Variants in FOXP2 observed in about 807,000 individuals in gnomAD.
FOXP2 encodes forkhead box P2, also known as forkhead box protein P2.
A neutral mutation model predicts 115.8 loss-of-function variants in FOXP2; 12 were observed. That is an observed-to-expected ratio of 0.10 (90% CI 0.07 to 0.17). FOXP2 has a LOEUF of 0.17. Among genes scored for constraint, FOXP2 ranks in the 10% least tolerant of loss-of-function variants. The pLI is 1.00. For synonymous variants in FOXP2, 328 were observed against 297.7 expected (o/e 1.10, Z -1.05); for missense variants, 629 against 843.5 (o/e 0.75, Z 3.15).
At chr7:114,275,675 A>G (rs1796169103) in intron 1 of FOXP2, among the ~76,000 whole-genome samples, 1 of 152,188 alleles carries the variant, frequency 6.6e-6, no homozygotes, top group Admixed American at 6.6e-5. Flanking sequence ...GATAATTCCA[A>G]TATACCTGCC....
At chr7:114,688,421 A>G (rs1808490397) in intron 16 of FOXP2, among the ~76,000 whole-genome samples, 1 of 152,194 alleles carries the variant, frequency 6.6e-6, no homozygotes. Flanking sequence ...TATTAAAGCA[A>G]TCTGTACCTT....
At position 114,334,572 on chromosome 7, in the gene FOXP2, G is replaced by C. The variant is rs907388104; in HGVS notation, c.-11+46463G>C. ...CTGACAAATCTAGTATTTAGTTTGT[G>C]GTACATAGTTCTCAAGTTAGTGGAA... On this transcript the variant is annotated intron_variant, in intron 2 of 17. Transcript: ENST00000634411. Among the ~76,000 whole-genome samples the C allele has an allele frequency of 2.0e-5, 3 of 150,422 alleles. No homozygotes were observed. In the South Asian group the frequency reaches 6.3e-4, roughly 32 times the overall value.
At chr7:114,101,899 T>TTTTGTGTG (rs574993238) in intron 1 of FOXP2, among the ~76,000 whole-genome samples, 6 of 142,410 alleles carry the variant, frequency 4.2e-5, no homozygotes, top group African/African-American at 1.5e-4. Context: ...CTTCAACATT[T>TTTTGTGTG]TGTGTGTGTG....
At chr7:114,512,179 T>C (rs1226792590) in intron 2 of FOXP2, among the ~76,000 whole-genome samples, 1 of 152,190 alleles carries the variant, frequency 6.6e-6, no homozygotes, top group Non-Finnish European at 1.5e-5. Context: ...ATTTATGTTA[T>C]TGCAAGACCT....
chr7:114,534,205 T>C (rs1337023260), intron 2 of FOXP2, among the ~76,000 whole-genome samples: 4 of 151,888 alleles, frequency 2.6e-5, no homozygotes, highest in African/African-American at 9.7e-5. Flanking sequence ...CAAATTTAAT[T>C]ACAGCTTCCG....
At chr7:114,456,184 A>G (rs972823690) in intron 2 of FOXP2, among the ~76,000 whole-genome samples, 3 of 152,196 alleles carry the variant, frequency 2.0e-5, no homozygotes, top group Non-Finnish European at 4.4e-5. Context: ...ACTCACTAGA[A>G]TGTGGGAGGT....
intron 2 of FOXP2, among the ~76,000 whole-genome samples, chr7:114,386,305 G>A (rs979280227): frequency 1.3e-5 from 2 of 152,214 alleles, no homozygotes; most frequent in Non-Finnish European, 2.9e-5. Context: ...CCCAAAGGGG[G>A]TTGCTGTTAT....
intron 2 of FOXP2, among the ~76,000 whole-genome samples, chr7:114,296,552 G>A (rs1031777412): frequency 6.6e-6 from 1 of 151,652 alleles, no homozygotes; most frequent in African/African-American, 2.4e-5. Context: ...TACAATATAT[G>A]TGTTTTACAT....
intron 2 of FOXP2, among the ~76,000 whole-genome samples, chr7:114,530,739 T>A (rs954124403): frequency 6.6e-6 from 1 of 151,874 alleles, no homozygotes; most frequent in African/African-American, 2.4e-5. Flanking sequence ...GTGAGGTTCA[T>A]AACTAGCATA....
At chr7:114,608,680 G>A (rs1004189021) in intron 3 of FOXP2, among the ~76,000 whole-genome samples, 1 of 152,166 alleles carries the variant, frequency 6.6e-6, no homozygotes, top group African/African-American at 2.4e-5. Context: ...CACTTCACCT[G>A]AGTGAGCCAC....
rs933779887 is a variant in FOXP2, at chr7:114,574,420, G to GA, written c.258+39724dup. Among the ~76,000 whole-genome samples the GA allele has an allele frequency of 1.8e-3, 270 of 148,938 alleles. 1 individual carries two copies. The highest frequency in any genetic ancestry group is 4.6e-3 in the African/African-American group (188 of 40,824). On this transcript the variant is annotated intron_variant, in intron 3 of 16. Transcript: ENST00000350908. ...TTTCAAATAGTGTCTAGTTTAATCT[G>GA]AAAAAAAAAATCTTCACTTATTTTA...
chr7:114,378,447 G>T (rs1310508325), intron 2 of FOXP2, among the ~76,000 whole-genome samples: 1 of 151,896 alleles, frequency 6.6e-6, no homozygotes, highest in Non-Finnish European at 1.5e-5. Flanking sequence ...ATTTTGGGAG[G>T]CTGAGAAAGA....
At chr7:114,689,628 T>G (rs1038611378) in intron 16 of FOXP2, among the ~76,000 whole-genome samples, 154 bp from the exon 17 acceptor site, 3 of 152,176 alleles carry the variant, frequency 2.0e-5, no homozygotes, top group Admixed American at 2.0e-4. Context: ...GTATCATGTC[T>G]CTAACCAGCT....
At chr7:114,466,197 G>T (rs1394702535) in intron 2 of FOXP2, among the ~76,000 whole-genome samples, 2 of 152,020 alleles carry the variant, frequency 1.3e-5, no homozygotes, top group Non-Finnish European at 2.9e-5. Context: ...CTGGAATTTT[G>T]CTAGAGACCC....
At chr7:114,661,903 G>T in intron 13 of FOXP2, 162 bp from the exon 14 acceptor site, 2 of 824,624 alleles carry the variant, frequency 2.4e-6, no homozygotes, top group South Asian at 1.7e-5. Context: ...CCAGTAATTT[G>T]TAAGTTTGAG....
chr7:114,604,326 A>C (rs544591627), intron 3 of FOXP2, among the ~76,000 whole-genome samples: 1 of 152,280 alleles, frequency 6.6e-6, no homozygotes, highest in African/African-American at 2.4e-5. Context: ...GTGTTATATC[A>C]TCACATTGGA....
At chr7:114,105,293 G>T (rs1431822588) in intron 1 of FOXP2, among the ~76,000 whole-genome samples, 2 of 151,984 alleles carry the variant, frequency 1.3e-5, no homozygotes, top group Non-Finnish European at 2.9e-5. Context: ...AATAAAGTCA[G>T]TTTGGGGAAT....
chr7:114,262,317 G>A (rs764386918), intron 1 of FOXP2, among the ~76,000 whole-genome samples: 1 of 152,050 alleles, frequency 6.6e-6, no homozygotes, highest in Non-Finnish European at 1.5e-5. Context: ...CAGCTGCTTG[G>A]ATGGCTGAGG....
chr7:114,487,037 G>A (rs1321752976), intron 2 of FOXP2, among the ~76,000 whole-genome samples: 1 of 152,146 alleles, frequency 6.6e-6, no homozygotes, highest in Non-Finnish European at 1.5e-5. Flanking sequence ...GTGCCAGTGG[G>A]GACTCTGTGT....
Sources: allele counts gnomAD v4.1 joint callset (sites outside exome capture counted in the v4.1 genomes callset), GRCh38; gene constraint gnomAD v4.1.1; transcripts MANE v1.5; gene names NCBI Gene and HGNC (gene_info 2026-07-23, HGNC 2026-07-21).